The following PHF24 variants were observed in gnomAD, a reference collection of about 807,000 sequenced individuals.
PHF24 encodes PHD finger protein 24, also known as Galpha inhibitory interacting protein.
In PHF24, 25 loss-of-function variants were observed where a neutral mutation model predicts 42.6. The observed-to-expected ratio is 0.59, with a 90% CI of 0.43 to 0.82. The LOEUF (loss-of-function observed/expected upper bound fraction) is 0.82. Ranked by LOEUF, PHF24 falls within the 40% of genes least tolerant of loss-of-function variation. The pLI, the probability that PHF24 is intolerant of heterozygous loss-of-function variation, is 0.00. For missense variants in PHF24, 470 were observed against 538.1 expected (o/e 0.87, Z 1.25); for synonymous variants, 185 against 204.8 (o/e 0.90, Z 0.83).
the PHF24 span, chr9:34,729,341 C>A: frequency 3.3e-3 from 5,120 of 1,551,802 alleles, 23 homozygotes; most frequent in Non-Finnish European, 3.2e-3. Flanking sequence ...TTTTCACTTG[C>A]CAGATAATTA....
the PHF24 span, among the ~76,000 whole-genome samples, chr9:34,951,281 A>T: frequency 6.6e-6 from 1 of 152,170 alleles, no homozygotes; most frequent in Non-Finnish European, 1.5e-5. Context: ...CAAAGATGTC[A>T]ATGTCCCAAT....
At chr9:34,832,609 T>C in the PHF24 span, 87 of 1,542,930 alleles carry the variant, frequency 5.6e-5, 1 homozygote, top group Middle Eastern at 1.2e-3. Context: ...ATGGAATCCT[T>C]GTGCCCTTTG....
the PHF24 span, among the ~76,000 whole-genome samples, chr9:34,733,125 T>C: frequency 6.6e-6 from 1 of 152,200 alleles, no homozygotes; most frequent in Non-Finnish European, 1.5e-5. Context: ...TGTATGAATT[T>C]GCACTCTCAC....
the PHF24 span, among the ~76,000 whole-genome samples, chr9:34,861,762 A>G: frequency 5.3e-5 from 8 of 152,258 alleles, 1 homozygote; most frequent in African/African-American, 1.9e-4. Context: ...TGGAAAATTT[A>G]TAATGGTTGC....
At chr9:34,907,893 A>G in the PHF24 span, among the ~76,000 whole-genome samples, 1 of 152,024 alleles carries the variant, frequency 6.6e-6, no homozygotes, top group Non-Finnish European at 1.5e-5. Context: ...CCCAGGCTGA[A>G]GTGCAGTGGC....
chr9:34,747,996 C>T, the PHF24 span, among the ~76,000 whole-genome samples: 651 of 152,148 alleles, frequency 4.3e-3, 4 homozygotes, highest in East Asian at 0.012. Flanking sequence ...TACTCCTATA[C>T]GTAACTGCAC....
the PHF24 span, among the ~76,000 whole-genome samples, chr9:34,683,390 G>C: frequency 6.6e-6 from 1 of 152,214 alleles, no homozygotes; most frequent in African/African-American, 2.4e-5. Flanking sequence ...CAACTTGGAG[G>C]CTAGGTTCAA....
At chr9:34,683,683 A>C in the PHF24 span, among the ~76,000 whole-genome samples, 1 of 152,242 alleles carries the variant, frequency 6.6e-6, no homozygotes, top group African/African-American at 2.4e-5. Context: ...GAAGAGGCCC[A>C]TAATGATATT....
At chr9:34,818,114 A>G in the PHF24 span, among the ~76,000 whole-genome samples, 11 of 152,366 alleles carry the variant, frequency 7.2e-5, no homozygotes, top group African/African-American at 2.4e-4. Flanking sequence ...TACAGAGACA[A>G]TAATGTTGCT....
At chr9:34,706,213 A>G in the PHF24 span, among the ~76,000 whole-genome samples, 1 of 152,216 alleles carries the variant, frequency 6.6e-6, no homozygotes, top group Non-Finnish European at 1.5e-5. Flanking sequence ...TGTAATTATG[A>G]TCTAAATATG....
chr9:34,862,913 A>C, the PHF24 span, among the ~76,000 whole-genome samples: 2 of 151,884 alleles, frequency 1.3e-5, no homozygotes, highest in African/African-American at 2.4e-5. Context: ...AAGGGAGCCT[A>C]CTGCCCTGAA....
chr9:34,690,982 C>T, the PHF24 span: 2 of 963,822 alleles, frequency 2.1e-6, no homozygotes, highest in South Asian at 3.3e-5. Context: ...TAAGCATTTG[C>T]CTGAACTCAC....
chr9:34,943,249 C>T, the PHF24 span, among the ~76,000 whole-genome samples: 2 of 152,164 alleles, frequency 1.3e-5, no homozygotes, highest in Admixed American at 6.5e-5. Flanking sequence ...TGTTTGTTTA[C>T]TCTCTTGGCT....
At chr9:34,844,787 T>G in the PHF24 span, among the ~76,000 whole-genome samples, 3 of 152,196 alleles carry the variant, frequency 2.0e-5, no homozygotes. Context: ...GAGAGAAATG[T>G]GCGTTCAGCT....
At chr9:34,668,882 C>T in the PHF24 span, among the ~76,000 whole-genome samples, 118 of 104,818 alleles carry the variant, frequency 1.1e-3, 1 homozygote, top group Non-Finnish European at 3.8e-4. Context: ...CTGATTGCTG[C>T]TTCTGCCCTA....
chr9:34,680,038 T>G, the PHF24 span, among the ~76,000 whole-genome samples: 3 of 152,154 alleles, frequency 2.0e-5, no homozygotes, highest in African/African-American at 7.2e-5. Flanking sequence ...ATTTGAGTTA[T>G]TTTAAGCTGC....
chr9:34,771,982 G>A, the PHF24 span, among the ~76,000 whole-genome samples: 2 of 152,272 alleles, frequency 1.3e-5, no homozygotes, highest in Non-Finnish European at 2.9e-5. Context: ...AATTCATCAA[G>A]ATAATAGCCG....
At chr9:34,726,459 G>A in the PHF24 span, 11,400 of 1,551,064 alleles carry the variant, frequency 7.3e-3, 705 homozygotes, top group African/African-American at 0.13. Flanking sequence ...TTCAGGGACA[G>A]CAAGGAGACC....
the PHF24 span, among the ~76,000 whole-genome samples, chr9:34,756,800 G>A: frequency 1.6e-4 from 25 of 152,032 alleles, no homozygotes; most frequent in Non-Finnish European, 3.1e-4. Flanking sequence ...AGATCACTCT[G>A]GGTACAATGG....
Sources: allele counts gnomAD v4.1 joint callset (sites outside exome capture counted in the v4.1 genomes callset), GRCh38; gene constraint gnomAD v4.1.1; transcripts MANE v1.5; gene names NCBI Gene and HGNC (gene_info 2026-07-23, HGNC 2026-07-21).